The following TPRG1 variants were observed in gnomAD, a reference collection of about 807,000 sequenced individuals.
The protein encoded by TPRG1 is tumor protein p63-regulated gene 1 protein.
In TPRG1, 29 loss-of-function variants were observed where a neutral mutation model predicts 29.3. The observed-to-expected ratio is 0.99, with a 90% confidence interval of 0.74 to 1.35. The LOEUF (loss-of-function observed/expected upper bound fraction) is 1.35, where lower values mean the gene tolerates loss of function less well. Among genes scored for constraint, TPRG1 ranks in the 40% most tolerant of loss-of-function variants. The pLI is 0.00. For missense variants in TPRG1, 327 were observed against 335.0 expected, an observed-to-expected ratio of 0.98 and a Z score of 0.19; for synonymous variants, 130 against 116.8, an observed-to-expected ratio of 1.11 and a Z score of -0.73.
chr3:189,054,343 T>C (rs2152140911), intron 4 of TPRG1, among the ~76,000 whole-genome samples: 1 of 151,214 alleles, frequency 6.6e-6, no homozygotes, highest in African/African-American at 2.4e-5. Flanking sequence ...ACAATTACAA[T>C]ATTAACATCA....
chr3:189,017,320 C>T (rs1369224610), intron 3 of TPRG1, among the ~76,000 whole-genome samples: 1 of 151,958 alleles, frequency 6.6e-6, no homozygotes, highest in Non-Finnish European at 1.5e-5. Context: ...TGCTGGTGCA[C>T]TGCCCCCACT....
chr3:189,312,157 CT>C (rs1280985219), intron 5 of TPRG1, among the ~76,000 whole-genome samples: 1 of 61,946 alleles, frequency 1.6e-5, no homozygotes, highest in African/African-American at 6.8e-5. Flanking sequence ...TTCTTTCTTT[CT>C]TTCTTTCTTT....
chr3:189,076,912 A>G (rs1314219084), intron 4 of TPRG1, among the ~76,000 whole-genome samples: 1 of 146,370 alleles, frequency 6.8e-6, no homozygotes, highest in East Asian at 1.9e-4. Flanking sequence ...TCACAAAAGA[A>G]TATATGTGTA....
intron 4 of TPRG1, among the ~76,000 whole-genome samples, chr3:189,068,468 T>C (rs973606615): frequency 6.6e-6 from 1 of 152,136 alleles, no homozygotes; most frequent in Non-Finnish European, 1.5e-5. Flanking sequence ...AGAGTACTAG[T>C]CAGCCATAAA....
At chr3:189,080,283 A>G (rs1717501614) in intron 4 of TPRG1, among the ~76,000 whole-genome samples, 1 of 152,164 alleles carries the variant, frequency 6.6e-6, no homozygotes, top group Non-Finnish European at 1.5e-5. Flanking sequence ...ATAGTAAGGC[A>G]ACCCAGAGAA....
chr3:189,132,066 T>G (rs543571746), intron 2 of TPRG1, among the ~76,000 whole-genome samples: 1 of 152,328 alleles, frequency 6.6e-6, no homozygotes, highest in African/African-American at 2.4e-5. Flanking sequence ...GCTCTGATAG[T>G]GCACGACTCC....
chr3:189,222,878 C>T (rs998478694), intron 3 of TPRG1, among the ~76,000 whole-genome samples: 3 of 152,212 alleles, frequency 2.0e-5, no homozygotes, highest in African/African-American at 7.2e-5. Context: ...TGCACTCATC[C>T]CATTTCCTCT....
rs529850461 is a variant in TPRG1 at position 189,208,344 on chromosome 3, A to G, written c.210+750A>G. Among the ~76,000 whole-genome samples the G allele has an allele frequency of 3.2e-4, 48 of 152,284 alleles. 1 individual carries two copies. Among genetic ancestry groups the G allele is most frequent in the African/African-American group, 1.1e-3 (44 of 41,542 alleles). On this transcript the variant is annotated intron_variant, in intron 2 of 5. Transcript: ENST00000345063. ...ATGGTTAGCTTAGAGGTTACAATCAATTGGGGGCAAAATCAGGGAGTTTAC... is the reference window on the plus strand; with the variant it reads ...ATGGTTAGCTTAGAGGTTACAATCAGTTGGGGGCAAAATCAGGGAGTTTAC...
chr3:189,031,563 C>G (rs1387160602), intron 4 of TPRG1, among the ~76,000 whole-genome samples: 1 of 152,142 alleles, frequency 6.6e-6, no homozygotes, highest in African/African-American at 2.4e-5. Flanking sequence ...TTTTCTCTTT[C>G]TGTTGTGGCT....
chr3:189,114,145 G>A (rs1269358314), intron 1 of TPRG1, among the ~76,000 whole-genome samples: 2 of 152,118 alleles, frequency 1.3e-5, no homozygotes, highest in Non-Finnish European at 2.9e-5. Context: ...ATTGTGGGGT[G>A]TTTTGAGGAT....
chr3:189,113,506 T>C (rs1032680757), intron 1 of TPRG1, among the ~76,000 whole-genome samples: 2 of 152,162 alleles, frequency 1.3e-5, no homozygotes, highest in African/African-American at 4.8e-5. Context: ...TGATATTGGC[T>C]GTGGGTTTGT....
intron 4 of TPRG1, among the ~76,000 whole-genome samples, chr3:189,094,944 T>A (rs1178176883): frequency 6.6e-6 from 1 of 152,126 alleles, no homozygotes; most frequent in East Asian, 1.9e-4. Context: ...TAGAAAATGA[T>A]TGGCATCAGT....
Position 189,202,964 on chromosome 3 carries a change from C to G in TPRG1, c.-9-4412C>G, listed in dbSNP as rs9864510. Among the ~76,000 whole-genome samples, 175 of 152,142 alleles carry G rather than the reference C, an allele frequency of 1.2e-3. 1 individual carries two copies. The highest frequency in any genetic ancestry group is 4.1e-3 in the African/African-American group (170 of 41,534). On this transcript the variant is annotated intron_variant, in intron 1 of 5. Coordinates refer to ENST00000345063, the MANE Select transcript of TPRG1 (RefSeq NM_198485.4). ...CAACTTGAAGAGCAGGAAAGAACAG[C>G]GAACTGGAGTCCAGAAAACTAGAGG...
chr3:189,123,777 C>G (rs560779086), intron 1 of TPRG1: 2 of 152,172 alleles, frequency 1.3e-5, no homozygotes, highest in Non-Finnish European at 2.9e-5. Context: ...TGCTTTGCTG[C>G]GTGTGCTCTT....
At chr3:189,077,856 A>C (rs1717285607) in intron 4 of TPRG1, among the ~76,000 whole-genome samples, 1 of 152,200 alleles carries the variant, frequency 6.6e-6, no homozygotes, top group Non-Finnish European at 1.5e-5. Context: ...GCATTTGTAC[A>C]GAAACCAGTG....
At chr3:189,127,157 T>C (rs1000946024) in exon 2 of TPRG1, 1 of 152,156 alleles carries the variant, frequency 6.6e-6, no homozygotes, top group Non-Finnish European at 1.5e-5. Flanking sequence ...GTCCTCAGAG[T>C]CTGGATCATC....
chr3:189,253,943 G>C (rs780865963), intron 4 of TPRG1, among the ~76,000 whole-genome samples: 1 of 152,024 alleles, frequency 6.6e-6, no homozygotes, highest in Non-Finnish European at 1.5e-5. Context: ...CTTTTTGATG[G>C]GGTTGTTCTT....
chr3:189,292,409 G>C (rs1719170015), intron 4 of TPRG1, among the ~76,000 whole-genome samples: 1 of 150,698 alleles, frequency 6.6e-6, no homozygotes, highest in Admixed American at 6.6e-5. Flanking sequence ...TTTGGAGCTA[G>C]TGAGTGTGTT....
intron 1 of TPRG1, among the ~76,000 whole-genome samples, chr3:189,206,067 T>TCC (rs1734305675): frequency 1.0e-5 from 1 of 96,690 alleles, no homozygotes; most frequent in African/African-American, 3.6e-5. Flanking sequence ...TTCTTTCTTT[T>TCC]TTCTTTCTTT....
Sources: allele counts gnomAD v4.1 joint callset (sites outside exome capture counted in the v4.1 genomes callset), GRCh38; gene constraint gnomAD v4.1.1; transcripts MANE v1.5; gene names NCBI Gene and HGNC (gene_info 2026-07-23, HGNC 2026-07-21).